Variants in SRRM3 observed in about 807,000 individuals in gnomAD.
The protein encoded by SRRM3 is serine/arginine repetitive matrix protein 3.
Under a neutral mutation model 66.2 loss-of-function variants are expected in SRRM3, and 27 were observed. The observed-to-expected ratio is 0.41, with a 90% CI of 0.30 to 0.56. The LOEUF is 0.56. SRRM3 is among the 20% of genes least tolerant of loss of function. The pLI, the probability that SRRM3 is intolerant of heterozygous loss-of-function variation, is 0.32. For synonymous variants in SRRM3, 391 were observed against 414.9 expected, an observed-to-expected ratio of 0.94 and a Z score of 0.70; for missense variants, 918 against 991.9, an observed-to-expected ratio of 0.93 and a Z score of 1.00.
At chr7:76,265,533 C>A in intron 10 of SRRM3, 65 bp downstream of exon 10, 2 of 1,338,766 alleles carry the variant, frequency 1.5e-6, no homozygotes, top group Non-Finnish European at 1.0e-6. Flanking sequence ...TAAACACCCC[C>A]AAGGGCTGGG....
chr7:76,274,528 A>T (rs538101504), intron 11 of SRRM3, among the ~76,000 whole-genome samples: 26 of 152,334 alleles, frequency 1.7e-4, no homozygotes, highest in African/African-American at 6.3e-4. Flanking sequence ...TCCAACTCAG[A>T]CAGGGGCTCC....
intron 2 of SRRM3, among the ~76,000 whole-genome samples, chr7:76,239,423 C>T (rs1379936777): frequency 2.0e-5 from 3 of 152,140 alleles, no homozygotes; most frequent in African/African-American, 7.2e-5. Context: ...ATTCCAGCCG[C>T]TGTGGCTCAT....
chr7:76,260,469 TG>T (rs1801833501), intron 5 of SRRM3, among the ~76,000 whole-genome samples: 1 of 101,054 alleles, frequency 9.9e-6, no homozygotes, highest in Non-Finnish European at 2.0e-5. Context: ...TCCCCTTCTC[TG>T]GGGCCCGCCC....
intron 10 of SRRM3, among the ~76,000 whole-genome samples, 155 bp from the exon 11 acceptor site, chr7:76,267,103 C>T (rs1219367069): frequency 6.6e-6 from 1 of 152,164 alleles, no homozygotes; most frequent in Non-Finnish European, 1.5e-5. Context: ...CTGGTCAAGC[C>T]CTCTCTAAGT....
intron 2 of SRRM3, among the ~76,000 whole-genome samples, chr7:76,245,570 A>G (rs2117020897): frequency 6.6e-6 from 1 of 152,330 alleles, no homozygotes; most frequent in African/African-American, 2.4e-5. Flanking sequence ...TCAAGCATTT[A>G]TCCTTTGAGT....
At chr7:76,222,369 G>A (rs1375428559) in intron 1 of SRRM3, among the ~76,000 whole-genome samples, 1 of 145,566 alleles carries the variant, frequency 6.9e-6, no homozygotes, top group African/African-American at 2.6e-5. Context: ...AGCCATAATT[G>A]TACCACTACA....
At chr7:76,264,053 A>T (rs1801949482) in intron 8 of SRRM3, among the ~76,000 whole-genome samples, 1 of 151,434 alleles carries the variant, frequency 6.6e-6, no homozygotes, top group African/African-American at 2.4e-5. Flanking sequence ...GGGAATGAGT[A>T]TTGGGCATGT....
At chr7:76,216,832 C>G (rs1332425384) in intron 1 of SRRM3, among the ~76,000 whole-genome samples, 2 of 152,174 alleles carry the variant, frequency 1.3e-5, no homozygotes, top group Non-Finnish European at 2.9e-5. Context: ...AGGCTGTTGC[C>G]TAGCAACGAG....
chr7:76,208,703 A>T (rs1554601383), intron 1 of SRRM3, among the ~76,000 whole-genome samples: 3 of 151,770 alleles, frequency 2.0e-5, no homozygotes, highest in Non-Finnish European at 4.4e-5. Context: ...GGCCTGGTGG[A>T]GGGTGACTGT....
intron 1 of SRRM3, among the ~76,000 whole-genome samples, chr7:76,204,349 G>A (rs1800241964): frequency 6.6e-6 from 1 of 152,146 alleles, no homozygotes; most frequent in Non-Finnish European, 1.5e-5. Context: ...CATACACTGA[G>A]CCTCTGCCCA....
At chr7:76,257,053 TTATGACCTG>T (rs1210681076) in intron 3 of SRRM3, among the ~76,000 whole-genome samples, 1 of 152,106 alleles carries the variant, frequency 6.6e-6, no homozygotes, top group Non-Finnish European at 1.5e-5. Flanking sequence ...AGCGAGGTCT[TTATGACCTG>T]TATTTTGTGC....
chr7:76,282,198 A>G (rs1342540181), intron 12 of SRRM3, among the ~76,000 whole-genome samples: 2 of 146,120 alleles, frequency 1.4e-5, no homozygotes, highest in African/African-American at 2.6e-5. Flanking sequence ...TCCAAACTCC[A>G]GGGAGTTTCC....
intron 1 of SRRM3, among the ~76,000 whole-genome samples, chr7:76,202,930 T>C (rs1162600825): frequency 6.6e-6 from 1 of 152,192 alleles, no homozygotes; most frequent in Non-Finnish European, 1.5e-5. Flanking sequence ...TCTGACGTGG[T>C]ACTTCAATGC....
intron 14 of SRRM3, 36 bp downstream of exon 14, chr7:76,283,137 C>G: frequency 7.3e-7 from 1 of 1,373,100 alleles, no homozygotes; most frequent in Non-Finnish European, 9.4e-7. Context: ...TGGCGCAGGG[C>G]TGGGGCCGCT....
At chr7:76,272,229 G>A in intron 11 of SRRM3, among the ~76,000 whole-genome samples, 1 of 152,082 alleles carries the variant, frequency 6.6e-6, no homozygotes, top group East Asian at 1.9e-4. Flanking sequence ...CTGTCCCAGG[G>A]GCCACCTGCT....
intron 4 of SRRM3, 27 bp from the exon 5 acceptor site, chr7:76,260,090 C>G (rs576587491): frequency 9.9e-6 from 13 of 1,307,038 alleles, no homozygotes; most frequent in Middle Eastern, 2.8e-4. Flanking sequence ...CCCCTCACCG[C>G]CCCCACCCCC....
chr7:76,261,208 T>A (rs537766902), intron 6 of SRRM3, 144 bp from the exon 7 acceptor site: 26 of 691,766 alleles, frequency 3.8e-5, no homozygotes, highest in Non-Finnish European at 6.0e-5. Flanking sequence ...GGGCCTCGGG[T>A]CACTCTGTAC....
chr7:76,236,005 C>CAAAAAAAAAAA lies in SRRM3; in HGVS notation c.233+721_233+731dup, dbSNP rs1161706465. ...TGGGCAACAGATCGAGATTCTGTCTCAAAAAAAAAAAAAAAAAAAAAAAAA... is the reference window on the plus strand; with the variant it reads ...TGGGCAACAGATCGAGATTCTGTCTCAAAAAAAAAAAAAAAAAAAAAAAAAAAAAAAAAAAA... On this transcript the variant is annotated intron_variant, in intron 2 of 14. Transcript: ENST00000611745. Among the ~76,000 whole-genome samples the CAAAAAAAAAAA allele has an allele frequency of 6.9e-4, 14 of 20,274 alleles. 2 individuals are homozygous for CAAAAAAAAAAA. Among genetic ancestry groups the CAAAAAAAAAAA allele is most frequent in the Admixed American group, 1.5e-3 (2 of 1,376 alleles). The allele number at this position is 20,274 out of a possible 152,430, so 13.3% of individuals were successfully genotyped here. A position where few individuals can be genotyped will look rare whatever the true frequency, so the allele number is the denominator to read the frequency against.
At chr7:76,222,770 C>T (rs974993424) in intron 1 of SRRM3, among the ~76,000 whole-genome samples, 6 of 151,858 alleles carry the variant, frequency 4.0e-5, no homozygotes, top group African/African-American at 7.3e-5. Context: ...TACAGGCACC[C>T]GCCACCATGC....
Sources: gnomAD v4.1 joint callset for allele counts (sites outside exome capture counted in the v4.1 genomes callset) on GRCh38, gnomAD v4.1.1 for gene constraint, MANE v1.5 for transcripts, NCBI Gene and HGNC (gene_info 2026-07-23, HGNC 2026-07-21) for gene names.